The following CDCP1 variants were observed in gnomAD, a reference collection of about 807,000 sequenced individuals.
CDCP1 encodes the protein CUB domain containing protein 1.
In CDCP1, 29 loss-of-function variants were observed where a neutral mutation model predicts 60.2. That is an observed-to-expected ratio of 0.48 (90% CI 0.36 to 0.66). CDCP1 has a LOEUF of 0.66. Among genes scored for constraint, CDCP1 ranks in the 30% least tolerant of loss-of-function variants. The pLI is 0.00. For synonymous variants in CDCP1, 387 were observed against 431.1 expected, an observed-to-expected ratio of 0.90 and a Z score of 1.27; for missense variants, 876 against 1,074.3, an observed-to-expected ratio of 0.82 and a Z score of 2.58.
chr3:45,119,994 C>T lies in CDCP1; in HGVS notation c.83-1373G>A, dbSNP rs138937349. Among the ~76,000 whole-genome samples, 284 of 152,332 alleles carry T rather than the reference C, an allele frequency of 1.9e-3. 1 individual carries two copies. The highest frequency in any genetic ancestry group is 0.017 in the Middle Eastern group (5 of 294). ...TCAGCATGCTTGTGAGATTCACCCA[C>T]GCTGCTGCATGGGTCAGTAGTTTCC... On this transcript the variant is annotated intron_variant, in intron 1 of 8. Transcript: ENST00000296129.
At position 45,146,360 on chromosome 3, in the gene CDCP1, C is replaced by T. The variant is rs1699392152; in HGVS notation, c.-73G>A. The T allele has an allele frequency of 7.5e-7, 1 of 1,335,188 alleles. No homozygotes were observed. Among genetic ancestry groups the T allele is most frequent in the South Asian group, 1.4e-5 (1 of 70,392 alleles). The allele number at this position is 1,335,188 out of a possible 1,614,324, so 82.7% of individuals were successfully genotyped here. ...GGCGGCCCCAGGCGCCCAAGCCCGG[C>T]GCAGCTGCGCTCCGCCCTGGCTCAC... On this transcript the variant is annotated 5_prime_UTR_variant, in exon 1 of 9. Transcript: ENST00000296129.
Position 45,110,550 on chromosome 3 carries a change from C to T in CDCP1, c.947G>A (p.Cys316Tyr), listed in dbSNP as rs777126436. The T allele has an allele frequency of 6.2e-7, 1 of 1,614,198 alleles. No individual in the cohort carries two copies. The highest frequency in any genetic ancestry group is 8.5e-7 in the Non-Finnish European group (1 of 1,180,040). ...CCCTGGACTTTGGGCATCTTGGTCA[C>T]AGCCTTGCAGAGAGAGGTTGAAGTT... ...AGNFNLSLQG[C>Y]DQDAQSPGIL... The change falls in exon 4 of 9, where the codon TGT becomes TAT. Residue 316 changes from cysteine (C) to tyrosine (Y), a missense_variant. Transcript: ENST00000296129.
chr3:45,127,619 T>G (rs114414264), intron 1 of CDCP1, among the ~76,000 whole-genome samples: 2,150 of 152,304 alleles, frequency 0.014, 58 homozygotes, highest in African/African-American at 0.048. Flanking sequence ...AAATGCTTCT[T>G]CCTAAAAGAG....
chr3:45,137,599 G>A (rs1458316515), intron 1 of CDCP1, among the ~76,000 whole-genome samples: 1 of 148,636 alleles, frequency 6.7e-6, no homozygotes, highest in Non-Finnish European at 1.5e-5. Context: ...CTGAGATCAG[G>A]AGTTCAAGAC....
chr3:45,139,276 ACAT>A (rs1699242301), intron 1 of CDCP1: 1 of 152,250 alleles, frequency 6.6e-6, no homozygotes, highest in African/African-American at 2.4e-5. Flanking sequence ...ACTAGTGCAC[ACAT>A]CATTTCATTC....
At chr3:45,095,919 ATGAT>A (rs76342303) in intron 4 of CDCP1, among the ~76,000 whole-genome samples, 38 of 152,352 alleles carry the variant, frequency 2.5e-4, no homozygotes, top group Non-Finnish European at 4.4e-4. Flanking sequence ...GCAATATAGA[ATGAT>A]TGAGCAGCTC....
chr3:45,092,826 C>A (rs1698319011), intron 6 of CDCP1, among the ~76,000 whole-genome samples: 1 of 152,168 alleles, frequency 6.6e-6, no homozygotes, highest in African/African-American at 2.4e-5. Flanking sequence ...TGGACTCTGG[C>A]TCCAGAGACT....
intron 1 of CDCP1, among the ~76,000 whole-genome samples, chr3:45,145,449 C>T (rs1387569541): frequency 2.0e-5 from 3 of 152,194 alleles, no homozygotes; most frequent in Non-Finnish European, 4.4e-5. Flanking sequence ...ACGTGTTGGT[C>T]CCTTCCCCCA....
At chr3:45,140,916 T>C (rs1395188746) in intron 1 of CDCP1, among the ~76,000 whole-genome samples, 1 of 152,202 alleles carries the variant, frequency 6.6e-6, no homozygotes, top group African/African-American at 2.4e-5. Context: ...AATGTCAGGA[T>C]CTGGCTGGGC....
chr3:45,135,268 G>C (rs1331748953), intron 1 of CDCP1, among the ~76,000 whole-genome samples: 3 of 151,754 alleles, frequency 2.0e-5, no homozygotes, highest in Non-Finnish European at 1.5e-5. Flanking sequence ...TGAGAAGCTT[G>C]GCTCCAAAGC....
rs1007033951 is a variant in CDCP1, at chr3:45,146,294, G to C, written c.-7C>G. On this transcript the variant is annotated 5_prime_UTR_variant, in exon 1 of 9. Transcript: ENST00000296129. ...CGCAGTTCAGGCCGGCCATGACTCC[G>C]GGACGCCTCGGCCTCGGTGGGGAAA... 1.9e-6 allele frequency: 3 copies of C among 1,565,018 alleles called. No homozygotes were observed. In the African/African-American group the frequency reaches 4.3e-5, roughly 22 times the overall value.
chr3:45,126,159 T>C (rs1005825509), intron 1 of CDCP1, among the ~76,000 whole-genome samples: 1 of 143,986 alleles, frequency 6.9e-6, no homozygotes, highest in African/African-American at 2.7e-5. Context: ...TCTTTCTTTC[T>C]TTCTTTCTTT....
At chr3:45,143,533 G>A (rs1699330997) in intron 1 of CDCP1, among the ~76,000 whole-genome samples, 1 of 152,250 alleles carries the variant, frequency 6.6e-6, no homozygotes, top group Non-Finnish European at 1.5e-5. Context: ...TTGTGCACAT[G>A]AGCGTGCATA....
intron 1 of CDCP1, among the ~76,000 whole-genome samples, chr3:45,123,503 C>T (rs943461760): frequency 6.6e-6 from 1 of 152,176 alleles, no homozygotes; most frequent in Non-Finnish European, 1.5e-5. Context: ...GCCAAGGACA[C>T]ATCACTCACA....
intron 8 of CDCP1, among the ~76,000 whole-genome samples, chr3:45,088,124 A>G (rs1481531092): frequency 6.6e-6 from 1 of 152,252 alleles, no homozygotes; most frequent in Non-Finnish European, 1.5e-5. Context: ...AAATATGAGC[A>G]GAATTTATAC....
intron 1 of CDCP1, among the ~76,000 whole-genome samples, chr3:45,129,618 G>C (rs957550296): frequency 7.9e-5 from 12 of 152,278 alleles, no homozygotes; most frequent in African/African-American, 2.6e-4. Context: ...GATGGCTGGA[G>C]AAAAATCAAA....
chr3:45,118,687 A>G, intron 1 of CDCP1, 66 bp from the exon 2 acceptor site: 2 of 1,312,140 alleles, frequency 1.5e-6, no homozygotes, highest in Non-Finnish European at 2.2e-6. Context: ...GTGGTCCCCG[A>G]CCCCAATCTG....
chr3:45,100,865 A>G (rs944708743), intron 4 of CDCP1, among the ~76,000 whole-genome samples: 1 of 152,222 alleles, frequency 6.6e-6, no homozygotes, highest in African/African-American at 2.4e-5. Context: ...ATCAATTACA[A>G]TGTTAGGCTG....
rs1698156184 is a variant in CDCP1 at position 45,084,572 on chromosome 3, G to A, written c.*1066C>T. The A allele has an allele frequency of 6.6e-6, 1 of 152,252 alleles. No individual in the cohort carries two copies. The highest frequency in any genetic ancestry group is 2.1e-4 in the South Asian group (1 of 4,828). The allele number at this position is 152,252 out of a possible 1,614,324, so 9.4% of individuals were successfully genotyped here. On this transcript the variant is annotated 3_prime_UTR_variant, in exon 9 of 9. Transcript: ENST00000296129. ...CTGGGAATGCAGCCAGCCTCTAGAAGCTTGAAATGGCAAGGAACCGGCTTC... is the reference window on the plus strand; with the variant it reads ...CTGGGAATGCAGCCAGCCTCTAGAAACTTGAAATGGCAAGGAACCGGCTTC...
Sources: allele counts gnomAD v4.1 joint callset (sites outside exome capture counted in the v4.1 genomes callset), GRCh38; gene constraint gnomAD v4.1.1; transcripts MANE v1.5; gene names NCBI Gene and HGNC (gene_info 2026-07-23, HGNC 2026-07-21).